The following UPK1A variants were observed in gnomAD, a reference collection of about 807,000 sequenced individuals.
The protein encoded by UPK1A is uroplakin-1a.
Under a neutral mutation model 32.3 loss-of-function variants are expected in UPK1A, and 31 were observed. The observed-to-expected ratio is 0.96, with a 90% CI of 0.72 to 1.30. The LOEUF is 1.30. UPK1A is among the 50% of genes most tolerant of loss of function. UPK1A has a pLI of 0.00. For missense variants in UPK1A, 340 were observed against 357.4 expected (o/e 0.95, Z 0.39); for synonymous variants, 135 against 137.1 (o/e 0.98, Z 0.11).
At chr19:35,675,971 C>A in exon 6 of UPK1A, 1 of 1,613,906 alleles carries the variant, frequency 6.2e-7, no homozygotes, top group South Asian at 1.1e-5. Context: ...TCATCCCCCT[C>A]AACGAGGAGG....
intron 3 of UPK1A, among the ~76,000 whole-genome samples, chr19:35,670,109 C>T (rs1333670507): frequency 1.3e-5 from 2 of 152,074 alleles, no homozygotes; most frequent in African/African-American, 4.8e-5. Flanking sequence ...GCACTGGGAG[C>T]GAGGCAGGTG....
At chr19:35,669,826 C>T (rs1054046766) in intron 3 of UPK1A, among the ~76,000 whole-genome samples, 3 of 152,152 alleles carry the variant, frequency 2.0e-5, no homozygotes, top group African/African-American at 7.2e-5. Flanking sequence ...ATTCACGGCC[C>T]CAATGACACA....
chr19:35,668,388 G>C lies in UPK1A; in HGVS notation c.85-66G>C, dbSNP rs747448460. On this transcript the variant is annotated intron_variant, in intron 2 of 7. Transcript: ENST00000617999. ...CTCCAAATGGGGAGGGAACTTGCTC[G>C]TGGAGATGCCTGGTGCCAGGGCTGC... The C allele has an allele frequency of 1.1e-5, 17 of 1,597,962 alleles. No individual in the cohort carries two copies. In the East Asian group the frequency reaches 3.8e-4, roughly 36 times the overall value.
exon 8 of UPK1A, chr19:35,678,425 C>G (rs1205349999): frequency 5.6e-6 from 1 of 178,418 alleles, no homozygotes; most frequent in Non-Finnish European, 1.2e-5. Flanking sequence ...CCATCATCAC[C>G]CAGCACGGGG....
chr19:35,675,998 C>T (rs1968176041), exon 6 of UPK1A: 7 of 1,613,362 alleles, frequency 4.3e-6, no homozygotes, highest in African/African-American at 4.0e-5. Flanking sequence ...GCCTGGGGCA[C>T]ATGGACTACC....
At chr19:35,676,250 G>A in intron 6 of UPK1A, 1 of 662,664 alleles carries the variant, frequency 1.5e-6, no homozygotes. Context: ...GAGTACAGTG[G>A]CACAATCTCA....
At position 35,677,892 on chromosome 19, in the gene UPK1A, G is replaced by A; in HGVS notation, c.729G>A (p.Trp243Ter). 1.9e-6 allele frequency: 3 copies of A among 1,611,390 alleles called. No homozygotes were observed. Among genetic ancestry groups the A allele is most frequent in the Non-Finnish European group, 2.5e-6 (3 of 1,179,712 alleles). ...GGTTTGGGTTTGCCATCCTGATGTG[G>A]ACGGTGAGAGGCGGGGAGCCCACAG... The change falls in exon 7 of 8, where the codon TGG becomes TGA. Residue 243 changes from tryptophan to a stop codon, truncating the protein, a stop_gained. Transcript: ENST00000617999. LOFTEE classifies it high-confidence loss of function.
chr19:35,676,273 G>A lies in UPK1A; in HGVS notation c.648+254G>A, dbSNP rs186571948. The A allele has an allele frequency of 2.3e-4, 145 of 626,608 alleles. 1 individual carries two copies. In the African/African-American group the frequency reaches 2.4e-3, roughly 10 times the overall value. 38.8% of individuals were successfully genotyped at this position (626,608 alleles called of 1,614,324 possible). A position where few individuals can be genotyped will look rare whatever the true frequency, so the allele number is the denominator to read the frequency against. On this transcript the variant is annotated intron_variant, in intron 6 of 7. Coordinates refer to ENST00000617999, the Ensembl canonical transcript of UPK1A. Reference sequence around the variant, plus strand: ...TGGCACAATCTCAGCTCACTGCAGCGTCTGCCTCCCGGGTTCAAGGGATTC... The same window carrying A: ...TGGCACAATCTCAGCTCACTGCAGCATCTGCCTCCCGGGTTCAAGGGATTC...
intron 1 of UPK1A, 91 bp downstream of exon 1, chr19:35,666,629 A>G (rs1968000795): frequency 5.0e-6 from 3 of 602,906 alleles, no homozygotes; most frequent in Non-Finnish European, 8.8e-6. Flanking sequence ...TGACTGCCCC[A>G]CCGGAGCCCG....
chr19:35,673,346 G>C, intron 4 of UPK1A, 40 bp downstream of exon 4: 2 of 1,612,704 alleles, frequency 1.2e-6, no homozygotes, highest in Non-Finnish European at 1.7e-6. Flanking sequence ...TGACCTGCAT[G>C]GGAGGGGCGA....
Position 35,669,011 on chromosome 19 carries a change from G to T in UPK1A, c.285+357G>T, listed in dbSNP as rs114545911. Reference sequence around the variant, plus strand: ...GTGCAGGGCTAGAATTTGAACCCCTGCTAGCTGCTTTCCAGAGTCCATGCT... The same window carrying T: ...GTGCAGGGCTAGAATTTGAACCCCTTCTAGCTGCTTTCCAGAGTCCATGCT... On this transcript the variant is annotated intron_variant, in intron 3 of 7. Coordinates refer to ENST00000617999, the Ensembl canonical transcript of UPK1A. Among the ~76,000 whole-genome samples, 391 of 152,048 alleles carry T rather than the reference G, an allele frequency of 2.6e-3. 3 individuals are homozygous for T. The highest frequency in any genetic ancestry group is 8.2e-3 in the African/African-American group (341 of 41,484).
At chr19:35,678,300 T>G in exon 8 of UPK1A, 1 of 362,120 alleles carries the variant, frequency 2.8e-6, no homozygotes, top group Non-Finnish European at 5.0e-6. Context: ...TGTAGCTCTC[T>G]GACCTCCTCC....
At chr19:35,668,194 T>C (rs889212696) in intron 2 of UPK1A, 15 of 549,684 alleles carry the variant, frequency 2.7e-5, no homozygotes, top group Admixed American at 6.1e-5. Context: ...AGTCCACTGC[T>C]CCAGCCTTTC....
chr19:35,666,595 G>A lies in UPK1A; in HGVS notation c.-5+57G>A, dbSNP rs940922113. ...GCATGAGGGGTCTGAGGCTCAGGGAGGGGCAGTGCCAAGTTCAGGCCAGTG... is the reference window on the plus strand; with the variant it reads ...GCATGAGGGGTCTGAGGCTCAGGGAAGGGCAGTGCCAAGTTCAGGCCAGTG... On this transcript the variant is annotated intron_variant, in intron 1 of 7. Transcript: ENST00000617999. 8.9e-6 allele frequency: 5 copies of A among 562,672 alleles called. No individual in the cohort carries two copies. The East Asian group carries it at 1.5e-4, about 17-fold the overall frequency. The allele number at this position is 562,672 out of a possible 1,614,324, so 34.9% of individuals were successfully genotyped here.
rs1298000189 is a variant in UPK1A at position 35,668,656 on chromosome 19, T to C, written c.285+2T>C. ...CGCCGCCGGTCCATGGTCCTCACGG[T>C]GAGACTCCAGGGGTTGGGGGATGGG... On this transcript the variant is annotated splice_donor_variant, in intron 3 of 7. Transcript: ENST00000617999. LOFTEE classifies it high-confidence loss of function. 1 of 1,611,192 alleles carries C rather than the reference T, an allele frequency of 6.2e-7. No homozygotes were observed. Among genetic ancestry groups the C allele is most frequent in the South Asian group, 1.1e-5 (1 of 90,812 alleles).
intron 6 of UPK1A, 64 bp downstream of exon 6, chr19:35,676,083 CCTCTCTGATT>C: frequency 6.6e-7 from 1 of 1,512,866 alleles, no homozygotes; most frequent in Non-Finnish European, 8.9e-7. Context: ...GTCTCTGCTC[CCTCTCTGATT>C]CTCTCTTTCT....
At chr19:35,666,681 G>A in intron 1 of UPK1A, 128 bp from the exon 2 acceptor site, 4 of 890,666 alleles carry the variant, frequency 4.5e-6, no homozygotes, top group Non-Finnish European at 6.9e-6. Context: ...AGGGCTGTGG[G>A]TACATCAGTA....
chr19:35,677,725 G>A, intron 6 of UPK1A, 87 bp from the exon 7 acceptor site: 1 of 1,498,078 alleles, frequency 6.7e-7, no homozygotes, highest in Admixed American at 1.8e-5. Flanking sequence ...GGAAGGTGGT[G>A]ACTTTCCCAA....
intron 5 of UPK1A, 149 bp downstream of exon 5, chr19:35,673,694 C>G (rs904586620): frequency 1.4e-6 from 1 of 696,090 alleles, no homozygotes; most frequent in East Asian, 2.7e-5. Flanking sequence ...CGGTCATCAC[C>G]GTTCTGCGGA....
Sources: gnomAD v4.1 joint callset for allele counts (sites outside exome capture counted in the v4.1 genomes callset) on GRCh38, gnomAD v4.1.1 for gene constraint, MANE v1.5 for transcripts, NCBI Gene and HGNC (gene_info 2026-07-23, HGNC 2026-07-21) for gene names.